The following MTUS2 variants were observed in gnomAD, a reference collection of about 807,000 sequenced individuals.
MTUS2 encodes the protein microtubule-associated tumor suppressor candidate 2.
MTUS2 carries 40 observed loss-of-function variants against 114.1 expected under a neutral mutation model. The ratio of observed to expected loss-of-function variants is 0.35; its 90% CI spans 0.27 to 0.46. The LOEUF (loss-of-function observed/expected upper bound fraction) is 0.46. MTUS2 is among the 20% of genes least tolerant of loss of function. The probability of loss-of-function intolerance (pLI) is 1.00; values close to 1 mark genes in which losing one functional copy is unlikely to be tolerated. For synonymous variants in MTUS2, 688 were observed against 672.0 expected, an observed-to-expected ratio of 1.02 and a Z score of -0.37; for missense variants, 1,679 against 1,705.4, an observed-to-expected ratio of 0.98 and a Z score of 0.27.
chr13:28,870,608 G>T (rs1490601453), intron 2 of MTUS2, among the ~76,000 whole-genome samples: 4 of 152,174 alleles, frequency 2.6e-5, no homozygotes, highest in South Asian at 4.1e-4. Flanking sequence ...AGTTGATCAG[G>T]TGTGGTAGTT....
chr13:29,364,071 C>T (rs79154650), intron 8 of MTUS2, among the ~76,000 whole-genome samples: 3,497 of 152,284 alleles, frequency 0.023, 126 homozygotes, highest in African/African-American at 0.079. Context: ...GATGCTACTT[C>T]TCCCTCTCTT....
chr13:28,874,758 T>C (rs904796257), intron 2 of MTUS2, among the ~76,000 whole-genome samples: 2 of 152,218 alleles, frequency 1.3e-5, no homozygotes, highest in African/African-American at 4.8e-5. Context: ...GGGATGGAGC[T>C]ATGTAAGGAC....
chr13:29,186,992 A>C (rs1894252253), intron 5 of MTUS2, among the ~76,000 whole-genome samples: 1 of 152,186 alleles, frequency 6.6e-6, no homozygotes, highest in Non-Finnish European at 1.5e-5. Context: ...TAGAAATTTA[A>C]CACATTTCTA....
intron 9 of MTUS2, among the ~76,000 whole-genome samples, chr13:29,445,068 C>A (rs1200422073): frequency 6.6e-6 from 1 of 152,206 alleles, no homozygotes; most frequent in Non-Finnish European, 1.5e-5. Context: ...ACGACTGTAT[C>A]TTCTAGAAGG....
At chr13:29,084,163 G>C (rs1695596163) in intron 4 of MTUS2, among the ~76,000 whole-genome samples, 1 of 152,162 alleles carries the variant, frequency 6.6e-6, no homozygotes, top group South Asian at 2.1e-4. Context: ...CATTCAAATT[G>C]TGTTAAAGTT....
intron 8 of MTUS2, among the ~76,000 whole-genome samples, chr13:29,394,361 G>A (rs1327406942): frequency 6.6e-6 from 1 of 152,120 alleles, no homozygotes; most frequent in Non-Finnish European, 1.5e-5. Flanking sequence ...GAAGCAGAGG[G>A]GAGGGGAGGC....
At chr13:28,907,485 A>C (rs1399641798) in intron 2 of MTUS2, among the ~76,000 whole-genome samples, 2 of 151,566 alleles carry the variant, frequency 1.3e-5, no homozygotes, top group Admixed American at 1.3e-4. Context: ...AAGACCCATC[A>C]GTGTGCTGTA....
intron 8 of MTUS2, among the ~76,000 whole-genome samples, chr13:29,403,545 T>G (rs1186770534): frequency 6.6e-6 from 1 of 152,216 alleles, no homozygotes; most frequent in Non-Finnish European, 1.5e-5. Flanking sequence ...TAAAGCTGAT[T>G]GCCCTCCCAA....
At chr13:29,068,466 A>G (rs1459839605) in intron 4 of MTUS2, among the ~76,000 whole-genome samples, 1 of 145,716 alleles carries the variant, frequency 6.9e-6, no homozygotes, top group African/African-American at 2.6e-5. Flanking sequence ...GAGAAACACT[A>G]TCTTTAATCA....
intron 5 of MTUS2, among the ~76,000 whole-genome samples, chr13:29,107,568 G>C (rs1010670134): frequency 6.6e-6 from 1 of 152,130 alleles, no homozygotes; most frequent in Non-Finnish European, 1.5e-5. Context: ...TATACATAGA[G>C]ATAATTTACA....
At chr13:29,131,777 A>G (rs965476225) in intron 5 of MTUS2, among the ~76,000 whole-genome samples, 10 of 152,246 alleles carry the variant, frequency 6.6e-5, no homozygotes, top group Non-Finnish European at 1.5e-4. Flanking sequence ...TTTCATCACA[A>G]AAGCAACACA....
At chr13:29,196,199 C>G (rs142740867) in intron 5 of MTUS2, among the ~76,000 whole-genome samples, 1,633 of 151,498 alleles carry the variant, frequency 0.011, 26 homozygotes, top group African/African-American at 0.038. Flanking sequence ...TGGGTTCAAG[C>G]AATTCTCCTA....
chr13:29,392,844 G>A (rs968767684), intron 8 of MTUS2, among the ~76,000 whole-genome samples: 14 of 152,186 alleles, frequency 9.2e-5, no homozygotes, highest in African/African-American at 3.4e-4. Flanking sequence ...AAATGCCACT[G>A]AAGTGTACTT....
chr13:29,359,610 G>A, intron 8 of MTUS2, 137 bp downstream of exon 8: 1 of 963,328 alleles, frequency 1.0e-6, no homozygotes, highest in East Asian at 2.6e-5. Flanking sequence ...AGGAGTTCAG[G>A]CAGAATCTCC....
intron 8 of MTUS2, among the ~76,000 whole-genome samples, chr13:29,406,751 A>G (rs1874785091): frequency 6.6e-6 from 1 of 152,232 alleles, no homozygotes; most frequent in Non-Finnish European, 1.5e-5. Context: ...TTACCAGATA[A>G]ATATTGGATA....
At chr13:29,453,173 T>C (rs1878853693) in intron 9 of MTUS2, among the ~76,000 whole-genome samples, 1 of 152,144 alleles carries the variant, frequency 6.6e-6, no homozygotes, top group Non-Finnish European at 1.5e-5. Context: ...AGATAATAAA[T>C]AGCAAGAAAA....
intron 4 of MTUS2, among the ~76,000 whole-genome samples, chr13:29,061,978 CTGTT>C (rs1888441619): frequency 6.6e-6 from 1 of 152,090 alleles, no homozygotes; most frequent in Admixed American, 6.6e-5. Context: ...TACTTTGTTA[CTGTT>C]TGAAGAATGC....
chr13:28,848,384 A>C (rs1593243222), intron 2 of MTUS2, among the ~76,000 whole-genome samples: 1 of 152,168 alleles, frequency 6.6e-6, no homozygotes, highest in Admixed American at 6.5e-5. Context: ...TATTGGTTTG[A>C]TTGTGATGTT....
At chr13:29,082,522 A>G (rs928469168) in intron 4 of MTUS2, among the ~76,000 whole-genome samples, 1 of 152,182 alleles carries the variant, frequency 6.6e-6, no homozygotes, top group Admixed American at 6.5e-5. Context: ...CTCCTCCAGC[A>G]CTGTGGCATC....
Sources: gnomAD v4.1 joint callset for allele counts (sites outside exome capture counted in the v4.1 genomes callset) on GRCh38, gnomAD v4.1.1 for gene constraint, MANE v1.5 for transcripts, NCBI Gene and HGNC (gene_info 2026-07-23, HGNC 2026-07-21) for gene names.